Variants in TNIK observed in about 807,000 individuals in gnomAD.
TNIK encodes the protein TRAF2 and NCK-interacting protein kinase.
Under a neutral mutation model 191.3 loss-of-function variants are expected in TNIK, and 49 were observed. The observed-to-expected ratio is 0.26, with a 90% CI of 0.20 to 0.32. The LOEUF (loss-of-function observed/expected upper bound fraction) is 0.32, where lower values mean the gene tolerates loss of function less well. TNIK is among the 10% of genes least tolerant of loss of function. TNIK has a pLI of 1.00. For missense variants in TNIK, 1,155 were observed against 1,702.3 expected (o/e 0.68, Z 5.66); for synonymous variants, 594 against 600.9 (o/e 0.99, Z 0.17).
chr3:171,264,299 T>C lies in TNIK; in HGVS notation c.124-36078A>G, dbSNP rs114178731. The stretch of plus-strand genomic sequence containing the variant: ...ATTGTATGTTTTATACATCATTGCA[T>C]ATAGACATTGCGTACCAAATTGTAT... On this transcript the variant is annotated intron_variant, in intron 2 of 32. Transcript: ENST00000436636. Among the ~76,000 whole-genome samples the C allele has an allele frequency of 8.6e-3, 1,314 of 151,926 alleles. 23 individuals carry two copies. The highest frequency in any genetic ancestry group is 0.03 in the African/African-American group (1,252 of 41,390).
chr3:171,088,513 G>A (rs939582564), intron 23 of TNIK, among the ~76,000 whole-genome samples: 7 of 152,190 alleles, frequency 4.6e-5, no homozygotes, highest in African/African-American at 7.2e-5. Flanking sequence ...GATGACACGT[G>A]TGAACCACCA....
intron 2 of TNIK, among the ~76,000 whole-genome samples, chr3:171,346,533 C>G (rs1276385203): frequency 2.6e-5 from 4 of 152,122 alleles, no homozygotes; most frequent in Non-Finnish European, 5.9e-5. Context: ...GTAGACAAGT[C>G]TCTGGCCTCA....
intron 2 of TNIK, among the ~76,000 whole-genome samples, chr3:171,262,270 T>TA (rs1460996571): frequency 6.6e-6 from 1 of 152,174 alleles, no homozygotes; most frequent in Non-Finnish European, 1.5e-5. Flanking sequence ...TGTCCTCATG[T>TA]ACCCCTCCCA....
chr3:171,396,661 T>C (rs1720290572), intron 1 of TNIK, among the ~76,000 whole-genome samples: 1 of 152,188 alleles, frequency 6.6e-6, no homozygotes. Flanking sequence ...TAGTTACACA[T>C]CAATTATTCA....
At chr3:171,243,519 G>A (rs552036254) in intron 2 of TNIK, among the ~76,000 whole-genome samples, 2 of 152,016 alleles carry the variant, frequency 1.3e-5, no homozygotes, top group African/African-American at 4.8e-5. Flanking sequence ...TATAAAAGTG[G>A]CATCTTCTGG....
rs571726908 is a variant in TNIK at position 171,128,141 on chromosome 3, G to T, written c.1773+573C>A. On this transcript the variant is annotated intron_variant, in intron 16 of 32. Coordinates refer to ENST00000436636, the MANE Select transcript of TNIK (RefSeq NM_015028.4). ...TAGAGGTCTTGTTAAATCACAGACTGCCAGGCCTCCCCCACCCCCAGAGTT... is the reference window on the plus strand; with the variant it reads ...TAGAGGTCTTGTTAAATCACAGACTTCCAGGCCTCCCCCACCCCCAGAGTT... Among the ~76,000 whole-genome samples, 462 of 152,164 alleles carry T rather than the reference G, an allele frequency of 3.0e-3. 3 individuals carry two copies. Among genetic ancestry groups the T allele is most frequent in the African/African-American group, 0.011 (442 of 41,510 alleles).
At chr3:171,396,002 T>C (rs888405667) in intron 1 of TNIK, among the ~76,000 whole-genome samples, 2 of 152,302 alleles carry the variant, frequency 1.3e-5, no homozygotes, top group East Asian at 1.9e-4. Context: ...TGGTTTTTAG[T>C]GTATTCTCAG....
At chr3:171,103,347 T>A (rs764427693) in intron 21 of TNIK, among the ~76,000 whole-genome samples, 2 of 152,172 alleles carry the variant, frequency 1.3e-5, no homozygotes, top group Non-Finnish European at 1.5e-5. Flanking sequence ...GGTATAATGT[T>A]ATGCAAATTT....
At chr3:171,238,747 C>T (rs1744609069) in intron 2 of TNIK, among the ~76,000 whole-genome samples, 1 of 152,182 alleles carries the variant, frequency 6.6e-6, no homozygotes, top group African/African-American at 2.4e-5. Flanking sequence ...GCAATAGGCA[C>T]TAATACTACA....
chr3:171,202,454 A>G (rs1029165457), intron 4 of TNIK, among the ~76,000 whole-genome samples: 3 of 152,212 alleles, frequency 2.0e-5, no homozygotes, highest in African/African-American at 7.2e-5. Flanking sequence ...GAAGATTTTG[A>G]GAAACACAAT....
intron 2 of TNIK, among the ~76,000 whole-genome samples, chr3:171,273,043 T>TG (rs1749311913): frequency 6.6e-6 from 1 of 152,228 alleles, no homozygotes; most frequent in African/African-American, 2.4e-5. Flanking sequence ...CAGAAGCCCA[T>TG]GGCTGCTAGG....
chr3:171,202,276 G>A (rs1739514230), intron 4 of TNIK, among the ~76,000 whole-genome samples: 2 of 151,990 alleles, frequency 1.3e-5, no homozygotes, highest in Non-Finnish European at 2.9e-5. Flanking sequence ...AATCATAGAA[G>A]CTAACTTTAA....
intron 2 of TNIK, among the ~76,000 whole-genome samples, chr3:171,306,929 G>C (rs1753515672): frequency 2.0e-5 from 3 of 152,114 alleles, no homozygotes; most frequent in African/African-American, 7.2e-5. Context: ...GATGGGAACT[G>C]ACTAGTCAGA....
intron 2 of TNIK, among the ~76,000 whole-genome samples, chr3:171,245,235 G>A (rs949638258): frequency 6.6e-6 from 1 of 152,156 alleles, no homozygotes; most frequent in Non-Finnish European, 1.5e-5. Context: ...AGGTAAGGAT[G>A]TAATTAAAAC....
chr3:171,071,450 G>T, intron 28 of TNIK, 127 bp from the exon 29 acceptor site: 1 of 747,442 alleles, frequency 1.3e-6, no homozygotes, highest in Non-Finnish European at 2.1e-6. Flanking sequence ...GCTTCATGAA[G>T]GTGATATTCC....
At chr3:171,279,480 C>T (rs1300412628) in intron 2 of TNIK, among the ~76,000 whole-genome samples, 1 of 152,142 alleles carries the variant, frequency 6.6e-6, no homozygotes, top group Non-Finnish European at 1.5e-5. Context: ...AACTGATCTT[C>T]CAAGAATTAT....
chr3:171,432,827 A>G lies in TNIK; in HGVS notation c.57+27180T>C, dbSNP rs567869969. 2.6e-5 allele frequency among the ~76,000 whole-genome samples: 4 copies of G among 152,316 alleles called. No homozygotes were observed. In the South Asian group the frequency reaches 8.3e-4, roughly 32 times the overall value. On this transcript the variant is annotated intron_variant, in intron 1 of 32. Transcript: ENST00000436636. ...AAAAACTCAAAATAAAGAACTCAAT[A>G]TAATAGAGCAGGAAATGCCTAATTT...
intron 2 of TNIK, among the ~76,000 whole-genome samples, chr3:171,266,919 A>G (rs1377949766): frequency 6.6e-6 from 1 of 152,240 alleles, no homozygotes. Flanking sequence ...CAGCCTGGCC[A>G]GTGTAAAATC....
chr3:171,305,989 TA>T (rs1385937578), intron 2 of TNIK, among the ~76,000 whole-genome samples: 1 of 152,064 alleles, frequency 6.6e-6, no homozygotes, highest in African/African-American at 2.4e-5. Flanking sequence ...ACAGAGTGGA[TA>T]AATAAAATGT....
Sources: allele counts gnomAD v4.1 joint callset (sites outside exome capture counted in the v4.1 genomes callset), GRCh38; gene constraint gnomAD v4.1.1; transcripts MANE v1.5; gene names NCBI Gene and HGNC (gene_info 2026-07-23, HGNC 2026-07-21).